The following FAT3 variants were observed in gnomAD, a reference collection of about 807,000 sequenced individuals.
FAT3 encodes FAT atypical cadherin 3.
In FAT3, 95 loss-of-function variants were observed where a neutral mutation model predicts 310.2. The ratio of observed to expected loss-of-function variants is 0.31; its 90% CI spans 0.26 to 0.36. FAT3 has a LOEUF of 0.36. Ranked by LOEUF, FAT3 falls within the 10% of genes least tolerant of loss-of-function variation. FAT3 has a pLI of 1.00. For missense variants in FAT3, 5,408 were observed against 5,715.6 expected, an observed-to-expected ratio of 0.95 and a Z score of 1.74; for synonymous variants, 2,314 against 2,192.9, an observed-to-expected ratio of 1.06 and a Z score of -1.54.
At chr11:92,738,619 T>C (rs982631697) in intron 4 of FAT3, among the ~76,000 whole-genome samples, 1 of 152,206 alleles carries the variant, frequency 6.6e-6, no homozygotes, top group Non-Finnish European at 1.5e-5. Flanking sequence ...TTCAAAGTAC[T>C]CTGATATAAA....
chr11:92,326,212 C>T (rs962180144), intron 1 of FAT3, among the ~76,000 whole-genome samples: 31 of 152,274 alleles, frequency 2.0e-4, no homozygotes, highest in African/African-American at 7.5e-4. Context: ...TTAAACCTAC[C>T]TCATAGAGTT....
At chr11:92,385,758 A>G (rs1949605461) in intron 2 of FAT3, among the ~76,000 whole-genome samples, 1 of 152,160 alleles carries the variant, frequency 6.6e-6, no homozygotes, top group Admixed American at 6.6e-5. Flanking sequence ...TTTTCATTGC[A>G]TGGTCAGCCA....
chr11:92,868,181 T>G (rs966035866), intron 22 of FAT3, among the ~76,000 whole-genome samples: 5 of 152,218 alleles, frequency 3.3e-5, no homozygotes, highest in African/African-American at 1.2e-4. Context: ...ACTTAGAGAT[T>G]CTGCTGTGCA....
intron 19 of FAT3, among the ~76,000 whole-genome samples, chr11:92,850,637 C>T (rs1948802997): frequency 6.6e-6 from 1 of 152,180 alleles, no homozygotes; most frequent in Non-Finnish European, 1.5e-5. Flanking sequence ...CACGTGAATT[C>T]AGGGCATGGG....
chr11:92,514,094 AT>A (rs1004864932), intron 2 of FAT3, among the ~76,000 whole-genome samples: 3 of 152,134 alleles, frequency 2.0e-5, no homozygotes, highest in African/African-American at 4.8e-5. Context: ...CAATGTACAC[AT>A]TTTTTTCTAA....
chr11:92,322,425 T>C (rs1947648128), intron 1 of FAT3, among the ~76,000 whole-genome samples: 1 of 152,194 alleles, frequency 6.6e-6, no homozygotes, highest in African/African-American at 2.4e-5. Context: ...AGAGTGATGT[T>C]TTCTGAAGTT....
chr11:92,313,556 T>C (rs1947361286), intron 1 of FAT3, among the ~76,000 whole-genome samples: 1 of 152,132 alleles, frequency 6.6e-6, no homozygotes, highest in Non-Finnish European at 1.5e-5. Context: ...ATTTTTTGTT[T>C]TGTTTTGTTT....
At chr11:92,401,743 G>C (rs1194555911) in intron 2 of FAT3, among the ~76,000 whole-genome samples, 2 of 152,194 alleles carry the variant, frequency 1.3e-5, no homozygotes, top group Admixed American at 6.5e-5. Flanking sequence ...CTCTCTGTGA[G>C]AATCAGTACA....
At chr11:92,483,215 G>A (rs1952282885) in intron 2 of FAT3, among the ~76,000 whole-genome samples, 1 of 152,162 alleles carries the variant, frequency 6.6e-6, no homozygotes, top group Non-Finnish European at 1.5e-5. Context: ...CAATCTGGAA[G>A]GAGTGCATTT....
chr11:92,703,989 G>A (rs1323265950), intron 4 of FAT3, among the ~76,000 whole-genome samples: 2 of 152,156 alleles, frequency 1.3e-5, no homozygotes, highest in East Asian at 3.9e-4. Flanking sequence ...AGTGATCCAA[G>A]GTCATACAAC....
At chr11:92,622,984 G>A (rs1941155087) in intron 3 of FAT3, among the ~76,000 whole-genome samples, 1 of 152,078 alleles carries the variant, frequency 6.6e-6, no homozygotes, top group African/African-American at 2.4e-5. Context: ...ATCCCCCAGA[G>A]AAGCATCCCA....
chr11:92,433,405 A>T (rs181293462), intron 2 of FAT3, among the ~76,000 whole-genome samples: 103 of 152,342 alleles, frequency 6.8e-4, no homozygotes, highest in Non-Finnish European at 1.6e-4. Context: ...TTGCAAAGAC[A>T]GTGGGCAAAG....
chr11:92,762,045 C>T lies in FAT3; in HGVS notation c.3859C>T (p.Pro1287Ser), dbSNP rs778134715. The change falls in exon 5 of 28, where the codon CCC becomes TCC. Residue 1287 changes from proline to serine, a missense_variant. Physicochemically the swap from Pro to Ser is moderately conservative, Grantham distance 74. This residue lies in a region of FAT3 where 4,588 missense variants were observed against 4,809.8 expected (regional missense o/e 0.95). Transcript: ENST00000525166. Reference protein sequence around the residue: ...RAFAFDRDEGPNAEISYSIVD... With the variant: ...RAFAFDRDEGSNAEISYSIVD... ...TTTTGCATTTGATAGAGATGAGGGC[C>T]CCAACGCAGAAATCTCCTACAGTAT... is the stretch of plus-strand genomic sequence containing the variant. 72 of 1,613,696 alleles carry T rather than the reference C, an allele frequency of 4.5e-5. No individual in the cohort carries two copies. Among genetic ancestry groups the T allele is most frequent in the Non-Finnish European group, 5.9e-5 (70 of 1,179,856 alleles).
chr11:92,649,313 C>T (rs1942283865), intron 3 of FAT3, among the ~76,000 whole-genome samples: 1 of 152,142 alleles, frequency 6.6e-6, no homozygotes, highest in South Asian at 2.1e-4. Flanking sequence ...TACAAATCAG[C>T]ATTTGATGCT....
At chr11:92,707,447 T>G (rs1944388956) in intron 4 of FAT3, among the ~76,000 whole-genome samples, 1 of 152,208 alleles carries the variant, frequency 6.6e-6, no homozygotes, top group Non-Finnish European at 1.5e-5. Flanking sequence ...GCCAAGCAGC[T>G]GTAATAGCCT....
intron 2 of FAT3, among the ~76,000 whole-genome samples, chr11:92,495,671 C>T (rs2135253214): frequency 1.3e-5 from 2 of 152,126 alleles, no homozygotes; most frequent in Middle Eastern, 6.8e-3. Context: ...TGGGTATAAT[C>T]TCCCTGTACC....
intron 2 of FAT3, among the ~76,000 whole-genome samples, chr11:92,380,673 T>C (rs1949474764): frequency 6.6e-6 from 1 of 152,166 alleles, no homozygotes; most frequent in South Asian, 2.1e-4. Context: ...GACACTTCAG[T>C]CTTTGGTTTA....
chr11:92,341,243 G>C (rs1948253482), intron 1 of FAT3, among the ~76,000 whole-genome samples: 1 of 152,174 alleles, frequency 6.6e-6, no homozygotes, highest in African/African-American at 2.4e-5. Flanking sequence ...GAGCATACAG[G>C]AAGAGGATCC....
rs753252549 is a variant in FAT3, at chr11:92,792,858, A to G, written c.4703A>G (p.Asn1568Ser). The change falls in exon 9 of 28, where the codon AAC (asparagine) becomes AGC (serine). Residue 1568 changes from asparagine to serine, a missense_variant. Asn to Ser is a conservative substitution (Grantham distance 46, BLOSUM62 1). This residue lies in a region of FAT3 where 4,588 missense variants were observed against 4,809.8 expected (regional missense o/e 0.95). Coordinates refer to ENST00000525166, the MANE Select transcript of FAT3 (RefSeq NM_001367949.2). The part of the protein sequence containing the change: ...DANDHSPYFT[N>S]PLYEASVFES... ...AATGATCACAGTCCTTATTTTACCA[A>G]CCCACTGTATGAAGCGTCTGTGTTT... The G allele has an allele frequency of 1.9e-6, 3 of 1,613,598 alleles. No homozygotes were observed. The highest frequency in any genetic ancestry group is 2.7e-5 in the African/African-American group (2 of 74,870).
Sources: gnomAD v4.1 joint callset for allele counts (sites outside exome capture counted in the v4.1 genomes callset) on GRCh38, gnomAD v4.1.1 for gene constraint, gnomAD v4.1.1 regional missense constraint, MANE v1.5 for transcripts, NCBI Gene and HGNC (gene_info 2026-07-23, HGNC 2026-07-21) for gene names.